PEBP4: variants seen among roughly 807,000 people sequenced by gnomAD.
PEBP4 encodes the protein phosphatidylethanolamine-binding protein 4.
PEBP4 carries 22 observed loss-of-function variants against 23.9 expected under a neutral mutation model. The ratio of observed to expected loss-of-function variants is 0.92; its 90% CI spans 0.66 to 1.31. The LOEUF (loss-of-function observed/expected upper bound fraction) is 1.31, where lower values mean the gene tolerates loss of function less well. PEBP4 is among the 40% of genes most tolerant of loss of function. PEBP4 has a pLI of 0.00. For missense variants in PEBP4, 324 were observed against 281.7 expected (o/e 1.15, Z -1.07); for synonymous variants, 112 against 99.3 (o/e 1.13, Z -0.76).
At chr8:22,781,767 T>C (rs988967051) in intron 4 of PEBP4, among the ~76,000 whole-genome samples, 39 of 152,310 alleles carry the variant, frequency 2.6e-4, no homozygotes, top group African/African-American at 8.4e-4. Flanking sequence ...TGGCTCAGGC[T>C]CAGGGACCCC....
chr8:22,734,201 G>A (rs1207230691), intron 4 of PEBP4, among the ~76,000 whole-genome samples: 1 of 152,218 alleles, frequency 6.6e-6, no homozygotes, highest in Non-Finnish European at 1.5e-5. Flanking sequence ...AGGCTCTGAG[G>A]TCCCCAGGGG....
In PEBP4 at chr8:22,781,328, C is replaced by T. The variant is rs534510029; in HGVS notation, c.357+36309G>A. 2.2e-4 allele frequency among the ~76,000 whole-genome samples: 33 copies of T among 151,726 alleles called. No homozygotes were observed. In the South Asian group the frequency reaches 2.9e-3, roughly 13 times the overall value. On this transcript the variant is annotated intron_variant, in intron 4 of 6. Coordinates refer to ENST00000256404, the MANE Select transcript of PEBP4 (RefSeq NM_144962.3). ...GGGGGAAGGGGCTGGTGGAAACTCCCGAGGCAGCAGGCACCGGGGCTGGGA... is the reference window on the plus strand; with the variant it reads ...GGGGGAAGGGGCTGGTGGAAACTCCTGAGGCAGCAGGCACCGGGGCTGGGA...
intron 3 of PEBP4, among the ~76,000 whole-genome samples, chr8:22,855,728 A>G (rs576133442): frequency 1.3e-5 from 2 of 152,216 alleles, no homozygotes; most frequent in South Asian, 4.1e-4. Context: ...CAATTTCTCT[A>G]CATAAAAATA....
At chr8:22,788,528 C>G (rs546592451) in intron 4 of PEBP4, among the ~76,000 whole-genome samples, 4 of 152,122 alleles carry the variant, frequency 2.6e-5, no homozygotes, top group African/African-American at 9.7e-5. Context: ...ACCCATACTG[C>G]GAGGAGTACC....
intron 3 of PEBP4, among the ~76,000 whole-genome samples, chr8:22,881,196 G>GCC (rs1314337180): frequency 6.6e-6 from 1 of 152,228 alleles, no homozygotes; most frequent in African/African-American, 2.4e-5. Context: ...CCCCAGGGAT[G>GCC]CCCCAGTTTC....
At chr8:22,751,630 CTGTGTGTGTGTGTGTGTG>C (rs66800038) in intron 4 of PEBP4, among the ~76,000 whole-genome samples, 1 of 137,584 alleles carries the variant, frequency 7.3e-6, no homozygotes, top group African/African-American at 2.9e-5. Context: ...GTGTGTGTCT[CTGTGTGTGTGTGTGTGTG>C]TGTGTGTGTT....
At chr8:22,838,999 A>G (rs1807266504) in intron 3 of PEBP4, among the ~76,000 whole-genome samples, 1 of 152,202 alleles carries the variant, frequency 6.6e-6, no homozygotes, top group Non-Finnish European at 1.5e-5. Context: ...TGTACAGACC[A>G]TGCCTTCGCT....
At chr8:22,793,780 T>G (rs1444780618) in intron 4 of PEBP4, among the ~76,000 whole-genome samples, 1 of 152,208 alleles carries the variant, frequency 6.6e-6, no homozygotes, top group Non-Finnish European at 1.5e-5. Context: ...TAGGTATCAT[T>G]CTTTATATAA....
chr8:22,829,594 T>C (rs1429531020), intron 3 of PEBP4, among the ~76,000 whole-genome samples: 1 of 152,202 alleles, frequency 6.6e-6, no homozygotes, highest in Non-Finnish European at 1.5e-5. Flanking sequence ...TTAGTGAAGC[T>C]GAGTGGCTCA....
At chr8:22,928,887 T>G (rs1204892341), upstream of PEBP4, among the ~76,000 whole-genome samples, 1 of 152,246 alleles carries the variant, frequency 6.6e-6, no homozygotes. Flanking sequence ...GAGAAACTAC[T>G]TTCAGCATAG....
At chr8:22,853,828 A>G (rs561124763) in intron 3 of PEBP4, among the ~76,000 whole-genome samples, 20 of 152,318 alleles carry the variant, frequency 1.3e-4, no homozygotes, top group East Asian at 9.6e-4. Context: ...CGCTTCCTCC[A>G]GGCCTTAGGA....
intron 4 of PEBP4, among the ~76,000 whole-genome samples, chr8:22,810,040 C>T (rs1806585015): frequency 6.6e-6 from 1 of 152,240 alleles, no homozygotes; most frequent in Admixed American, 6.5e-5. Flanking sequence ...AGTTCTTCCT[C>T]ATAAGGGACC....
chr8:22,779,934 G>C (rs1805883102), intron 4 of PEBP4, among the ~76,000 whole-genome samples: 1 of 151,684 alleles, frequency 6.6e-6, no homozygotes, highest in South Asian at 2.1e-4. Context: ...GGATTCCCAG[G>C]CATCTTGTTT....
intron 3 of PEBP4, among the ~76,000 whole-genome samples, chr8:22,857,969 C>A (rs566953841): frequency 6.6e-6 from 1 of 152,274 alleles, no homozygotes; most frequent in African/African-American, 2.4e-5. Flanking sequence ...CTTCACGGAC[C>A]GTCCATGGGG....
chr8:22,719,337 CAG>C (rs1029276752), intron 6 of PEBP4, among the ~76,000 whole-genome samples: 1 of 152,210 alleles, frequency 6.6e-6, no homozygotes, highest in African/African-American at 2.4e-5. Context: ...TCTCGTGGGG[CAG>C]AGAGGGGATT....
At chr8:22,749,993 A>G (rs575837323) in intron 4 of PEBP4, among the ~76,000 whole-genome samples, 9 of 150,876 alleles carry the variant, frequency 6.0e-5, no homozygotes, top group African/African-American at 2.2e-4. Context: ...TTTAGTAAAG[A>G]CGGGGTTTCT....
At chr8:22,927,479 T>A in intron 2 of PEBP4, 105 bp downstream of exon 2, 1 of 1,374,602 alleles carries the variant, frequency 7.3e-7, no homozygotes, top group Non-Finnish European at 9.7e-7. Flanking sequence ...TCCCATAAAA[T>A]CAGGCTCAGG....
chr8:22,838,237 C>T (rs900034793), intron 3 of PEBP4, among the ~76,000 whole-genome samples: 1 of 152,124 alleles, frequency 6.6e-6, no homozygotes, highest in African/African-American at 2.4e-5. Flanking sequence ...ACTATTATTT[C>T]TTTGTTGCTC....
At chr8:22,767,869 A>G (rs1220336022) in intron 4 of PEBP4, among the ~76,000 whole-genome samples, 1 of 152,016 alleles carries the variant, frequency 6.6e-6, no homozygotes, top group Non-Finnish European at 1.5e-5. Context: ...CCTCCTGAGT[A>G]TCTGGGATTA....
Sources: allele counts gnomAD v4.1 joint callset (sites outside exome capture counted in the v4.1 genomes callset), GRCh38; gene constraint gnomAD v4.1.1; transcripts MANE v1.5; gene names NCBI Gene and HGNC (gene_info 2026-07-23, HGNC 2026-07-21).